Variants in G6PD observed in about 807,000 individuals in gnomAD.
The protein encoded by G6PD is glucose-6-phosphate 1-dehydrogenase.
A neutral mutation model predicts 38.2 loss-of-function variants in G6PD; 2 were observed. The ratio of observed to expected loss-of-function variants is 0.05; its 90% CI spans 0.02 to 0.16. The LOEUF (loss-of-function observed/expected upper bound fraction) is 0.16. Among genes scored for constraint, G6PD ranks in the 10% least tolerant of loss-of-function variants. G6PD has a pLI of 1.00. For synonymous variants in G6PD, 188 were observed against 196.0 expected (o/e 0.96, Z 0.34); for missense variants, 310 against 471.6 (o/e 0.66, Z 3.17).
At chrX:154,546,254 A>C in intron 1 of G6PD, 91 bp from the exon 2 acceptor site, 2 of 1,084,734 alleles carry the variant, frequency 1.8e-6, no homozygotes, top group Non-Finnish European at 2.5e-6. Flanking sequence ...GGGGTCTCAC[A>C]CCAGGGTGAC....
Position 154,531,438 on chromosome X carries a change from C to T in G6PD, c.*562G>A, listed in dbSNP as rs1309988569. The T allele has an allele frequency of 3.3e-5, 4 of 122,609 alleles. No individual in the cohort carries two copies. The highest frequency in any genetic ancestry group is 9.7e-5 in the African/African-American group (3 of 30,920). 10.1% of individuals were successfully genotyped at this position (122,609 alleles called of 1,213,427 possible). On this transcript the variant is annotated 3_prime_UTR_variant, in exon 13 of 13. Coordinates refer to ENST00000393562, the MANE Select transcript of G6PD (RefSeq NM_001360016.2). Reference sequence around the variant, plus strand: ...AGGGCATTGAGGTTGGGAGGGGTCCCAGCTGCTGCGTCTGCTTTTCTTATA... The same window carrying T: ...AGGGCATTGAGGTTGGGAGGGGTCCTAGCTGCTGCGTCTGCTTTTCTTATA...
In G6PD at chrX:154,533,046, C is replaced by T. The variant is rs370017540; in HGVS notation, c.947G>A (p.Gly316Asp). 89 of 1,211,189 alleles carry T rather than the reference C, an allele frequency of 7.3e-5. No homozygotes were observed. The highest frequency in any genetic ancestry group is 9.4e-5 in the Non-Finnish European group (84 of 895,379). ...GQYVGNPDGE[G>D]EATKGYLDDP... ...GTCCAGGTACCCTTTGGTGGCCTCG[C>T]CCTCTCCATCGGGGTTCCCCACGTA... is the stretch of plus-strand genomic sequence containing the variant. The change falls in exon 9 of 13, where the codon GGC becomes GAC. Residue 316 changes from glycine (G) to aspartate (D), a missense_variant. By Grantham distance (94) the Gly-to-Asp change is moderately conservative. This residue lies in a region of G6PD where 168 missense variants were observed against 309.2 expected (regional missense o/e 0.54). Coordinates refer to ENST00000393562, the MANE Select transcript of G6PD (RefSeq NM_001360016.2).
rs782530472 is a variant in G6PD at position 154,534,142 on chromosome X, G to A, written c.663C>T (p.Phe221=). The change falls in exon 7 of 13, where the codon TTC becomes TTT. Residue 221 remains phenylalanine, a synonymous_variant. Transcript: ENST00000393562. ...LMVLRFANRI[F]GPIWNRDNIA... ...TGTTGTCCCGGTTCCAGATGGGGCC[G>A]AAGATCCTGTTGGCAAATCTGCAGG... 6.6e-6 allele frequency: 8 copies of A among 1,210,540 alleles called. No individual in the cohort carries two copies. The highest frequency in any genetic ancestry group is 8.9e-6 in the Non-Finnish European group (8 of 895,252).
Position 154,532,203 on chromosome X carries a change from G to A in G6PD, c.1442C>T (p.Pro481Leu), listed in dbSNP as rs137852348. The change falls in exon 12 of 13, where the codon CCC becomes CTC. Residue 481 changes from proline (P) to leucine (L), a missense_variant. By Grantham distance (98) the Pro-to-Leu change is moderately conservative. Around this residue, in one of 4 missense-constraint regions of G6PD, gnomAD observed 168 missense variants for 309.2 expected, o/e 0.54. Coordinates refer to ENST00000393562, the MANE Select transcript of G6PD (RefSeq NM_001360016.2). ...QIELEKPKPIPYIYGSRGPTE... is the reference protein window; with the variant it reads ...QIELEKPKPILYIYGSRGPTE... ...CTTTCCTCACCTGCCATAAATATAG[G>A]GGATGGGCTTGGGCTTCTCCAGCTC... The A allele has an allele frequency of 8.3e-7, 1 of 1,211,697 alleles. No individual in the cohort carries two copies. The highest frequency in any genetic ancestry group is 1.1e-6 in the Non-Finnish European group (1 of 895,421).
intron 2 of G6PD, among the ~76,000 whole-genome samples, chrX:154,545,192 CTTT>C (rs2070662892): frequency 9.0e-6 from 1 of 110,725 alleles, no homozygotes; most frequent in South Asian, 3.8e-4. Flanking sequence ...CTATACTATT[CTTT>C]TGTCTTTCCT....
At chrX:154,545,131 G>A (rs964736617) in intron 2 of G6PD, among the ~76,000 whole-genome samples, 4 of 111,296 alleles carry the variant, frequency 3.6e-5, no homozygotes, top group Admixed American at 9.5e-5. Context: ...AGTCTCGGGC[G>A]ATGGCTGTCC....
In G6PD at chrX:154,531,903, T is replaced by TGCA; in HGVS notation, c.*94_*96dup. ...TGGCCAGAGCCCGGGGCCAGGAATG[T>TGCA]GCAGCTGAGGTCAATGGTCCCGGAG... On this transcript the variant is annotated 3_prime_UTR_variant, in exon 13 of 13. Transcript: ENST00000393562. 8.8e-7 allele frequency: 1 copy of TGCA among 1,137,053 alleles called. No individual in the cohort carries two copies. Among genetic ancestry groups the TGCA allele is most frequent in the Non-Finnish European group, 1.2e-6 (1 of 854,466 alleles). The allele number at this position is 1,137,053 out of a possible 1,213,427, so 93.7% of individuals were successfully genotyped here.
At chrX:154,544,467 G>A (rs1557232709) in intron 2 of G6PD, among the ~76,000 whole-genome samples, 2 of 112,414 alleles carry the variant, frequency 1.8e-5, no homozygotes, top group Non-Finnish European at 3.8e-5. Flanking sequence ...GCCAATTTTT[G>A]TATTTTAAGT....
chrX:154,539,662 G>T (rs2070454436), intron 2 of G6PD, among the ~76,000 whole-genome samples: 1 of 111,144 alleles, frequency 9.0e-6, no homozygotes, highest in South Asian at 3.8e-4. Flanking sequence ...CTGTGGCTGT[G>T]CTGAGTTTGT....
Position 154,546,122 on chromosome X carries a change from C to G in G6PD, c.34G>C (p.Val12Leu). ...AGCTCTTCCCGCAGGATCCCGCACA[C>G]CTGGGTCCGGCTCAGGGCCACCTGC... is the stretch of plus-strand genomic sequence containing the variant. ...AEQVALSRTQ[V>L]CGILREELFQ... The change falls in exon 2 of 13, where the codon GTG becomes CTG. Residue 12 changes from valine (V) to leucine (L), a missense_variant. Physicochemically the swap from Val to Leu is conservative, Grantham distance 32. Coordinates refer to ENST00000393562, the MANE Select transcript of G6PD (RefSeq NM_001360016.2). The G allele has an allele frequency of 1.7e-6, 2 of 1,212,094 alleles. No homozygotes were observed. The highest frequency in any genetic ancestry group is 2.3e-4 in the Middle Eastern group (1 of 4,353).
upstream of G6PD, chrX:154,546,932 C>A (rs1406543391): frequency 1.9e-6 from 1 of 518,029 alleles, no homozygotes; most frequent in Non-Finnish European, 2.7e-6. Context: ...GCGAGGCGTG[C>A]GGGGCGGGGC....
At position 154,533,133 on chromosome X, in the gene G6PD, G is replaced by A. The variant is rs781920344; in HGVS notation, c.865-5C>T. 7.4e-6 allele frequency: 9 copies of A among 1,210,131 alleles called. No individual in the cohort carries two copies. The highest frequency in any genetic ancestry group is 3.5e-5 in the African/African-American group (2 of 57,473). ...GATGCATTTCAACACCTTGACCTGA[G>A]AGAAAGCCAAGGGAGAGAATGGGCT... On this transcript the variant is annotated splice_region_variant and splice_polypyrimidine_tract_variant and intron_variant, in intron 8 of 12. Transcript: ENST00000393562.
chrX:154,545,918 C>T, intron 2 of G6PD, 118 bp downstream of exon 2: 1 of 907,397 alleles, frequency 1.1e-6, no homozygotes, highest in Non-Finnish European at 1.6e-6. Flanking sequence ...CTAGCAGGAG[C>T]GGGAGGAGGA....
At chrX:154,540,569 C>T (rs1378070920) in intron 2 of G6PD, among the ~76,000 whole-genome samples, 2 of 96,336 alleles carry the variant, frequency 2.1e-5, no homozygotes, top group African/African-American at 7.7e-5. Flanking sequence ...ATCCAGGAGA[C>T]GGAGGTTGCA....
At chrX:154,544,001 G>A (rs1375576656) in intron 2 of G6PD, among the ~76,000 whole-genome samples, 1 of 109,172 alleles carries the variant, frequency 9.2e-6, no homozygotes, top group Non-Finnish European at 1.9e-5. Context: ...CTGAGTAGCT[G>A]GACTACAGGT....
At chrX:154,543,318 C>T (rs1335104083) in intron 2 of G6PD, among the ~76,000 whole-genome samples, 2 of 112,531 alleles carry the variant, frequency 1.8e-5, no homozygotes, top group Admixed American at 1.9e-4. Context: ...TTGCCCAACC[C>T]GAAGCTGGCC....
rs782429765 is a variant in G6PD at position 154,534,414 on chromosome X, G to A, written c.568C>T (p.Leu190=). Reference sequence around the variant, plus strand: ...CGGTAGATCTGGTCCTCACGGAACAGGGAGGAGATGTGGTTGGACAGCCGG... The same window carrying A: ...CGGTAGATCTGGTCCTCACGGAACAAGGAGGAGATGTGGTTGGACAGCCGG... ...SDRLSNHISS[L]FREDQIYRID... Residue 190 remains leucine, a synonymous_variant, in exon 6 of 13, where the codon CTG becomes TTG. Transcript: ENST00000393562. 2 of 1,209,687 alleles carry A rather than the reference G, an allele frequency of 1.7e-6. No individual in the cohort carries two copies. Among genetic ancestry groups the A allele is most frequent in the African/African-American group, 1.7e-5 (1 of 57,183 alleles).
intron 2 of G6PD, among the ~76,000 whole-genome samples, chrX:154,540,157 C>G (rs1557231512): frequency 1.8e-5 from 2 of 108,122 alleles, no homozygotes; most frequent in Admixed American, 2.0e-4. Flanking sequence ...GCCTGGCAAA[C>G]ATGGTGAAAC....
At chrX:154,533,529 G>T in intron 8 of G6PD, 47 bp downstream of exon 8, 1 of 1,194,532 alleles carries the variant, frequency 8.4e-7, no homozygotes, top group Non-Finnish European at 1.1e-6. Context: ...CGTCACAGAT[G>T]GGCCTGCGAC....
Sources: allele counts gnomAD v4.1 joint callset (sites outside exome capture counted in the v4.1 genomes callset), GRCh38; gene constraint gnomAD v4.1.1; regional missense constraint gnomAD v4.1.1; transcripts MANE v1.5; gene names NCBI Gene and HGNC (gene_info 2026-07-23, HGNC 2026-07-21).